CNIH3: variants seen among roughly 807,000 people sequenced by gnomAD.
CNIH3 encodes protein cornichon homolog 3.
CNIH3 carries 14 observed loss-of-function variants against 24.1 expected under a neutral mutation model. The observed-to-expected ratio is 0.58, with a 90% CI of 0.38 to 0.91. The LOEUF (loss-of-function observed/expected upper bound fraction) is 0.91, where lower values mean the gene tolerates loss of function less well. Ranked by LOEUF, CNIH3 falls within the 40% of genes least tolerant of loss-of-function variation. CNIH3 has a pLI of 0.00. For missense variants in CNIH3, 178 were observed against 196.8 expected, an observed-to-expected ratio of 0.90 and a Z score of 0.57; for synonymous variants, 68 against 73.8, an observed-to-expected ratio of 0.92 and a Z score of 0.40.
intron 4 of CNIH3, among the ~76,000 whole-genome samples, chr1:224,734,319 G>T (rs1332481819): frequency 1.3e-5 from 2 of 152,186 alleles, no homozygotes; most frequent in East Asian, 3.9e-4. Context: ...CCTTCTGTTG[G>T]AGCAGCTTTG....
chr1:224,686,710 C>T (rs1686678355), intron 3 of CNIH3, among the ~76,000 whole-genome samples: 1 of 152,224 alleles, frequency 6.6e-6, no homozygotes, highest in Admixed American at 6.5e-5. Flanking sequence ...CCATATCCAT[C>T]ACCTTTTATC....
intron 4 of CNIH3, among the ~76,000 whole-genome samples, chr1:224,575,906 T>C (rs1421098437): frequency 1.3e-5 from 2 of 152,200 alleles, no homozygotes; most frequent in Non-Finnish European, 2.9e-5. Flanking sequence ...TCTCAGGTCA[T>C]GTTTGGGTGC....
chr1:224,463,528 C>A (rs889076575), intron 1 of CNIH3, among the ~76,000 whole-genome samples: 1 of 152,062 alleles, frequency 6.6e-6, no homozygotes, highest in South Asian at 2.1e-4. Flanking sequence ...TTTGCCTCAG[C>A]CTCCCGAGTA....
chr1:224,655,517 A>T lies in CNIH3; in HGVS notation c.82-25441A>T, dbSNP rs1192428841. 9.9e-5 allele frequency among the ~76,000 whole-genome samples: 15 copies of T among 152,284 alleles called. No homozygotes were observed. The East Asian group carries it at 2.9e-3, about 29-fold the overall frequency. On this transcript the variant is annotated intron_variant, in intron 1 of 5. Coordinates refer to ENST00000272133, the MANE Select transcript of CNIH3 (RefSeq NM_152495.2). ...CTAGTTAGACTCCTCGGTTTTCACA[A>T]GTCATTGTCGATGTCACTGTCAGTG... is the stretch of plus-strand genomic sequence containing the variant.
chr1:224,454,048 G>GA (rs1675541713), intron 1 of CNIH3, among the ~76,000 whole-genome samples: 1 of 152,168 alleles, frequency 6.6e-6, no homozygotes, highest in African/African-American at 2.4e-5. Context: ...AGCTACTGGG[G>GA]AAATTAGAAC....
At chr1:224,532,092 G>T (rs1432816370) in intron 2 of CNIH3, among the ~76,000 whole-genome samples, 1 of 152,190 alleles carries the variant, frequency 6.6e-6, no homozygotes, top group Non-Finnish European at 1.5e-5. Flanking sequence ...ATAAGGTATG[G>T]TGCAGAAAGA....
At chr1:224,545,112 C>T (rs140170930) in intron 2 of CNIH3, among the ~76,000 whole-genome samples, 2 of 152,360 alleles carry the variant, frequency 1.3e-5, no homozygotes, top group East Asian at 3.9e-4. Context: ...GAAGTTCCTA[C>T]AGTTTGTGAT....
intron 1 of CNIH3, chr1:224,454,462 C>G: frequency 2.9e-6 from 1 of 347,450 alleles, no homozygotes; most frequent in Non-Finnish European, 4.1e-6. Flanking sequence ...GTTTACATTT[C>G]TGGTCCCGTC....
At chr1:224,648,644 G>A (rs1684731212) in intron 1 of CNIH3, among the ~76,000 whole-genome samples, 1 of 152,092 alleles carries the variant, frequency 6.6e-6, no homozygotes, top group African/African-American at 2.4e-5. Flanking sequence ...GTTAGAGAAG[G>A]ATATTGGAAT....
rs555444961 is a variant in CNIH3, at chr1:224,575,147, G to A, written n.517-8017G>A. 7.4e-5 allele frequency: 73 copies of A among 982,710 alleles called. 1 individual carries two copies. In the East Asian group the frequency reaches 1.2e-3, roughly 17 times the overall value. The allele number at this position is 982,710 out of a possible 1,614,324, so 60.9% of individuals were successfully genotyped here. ...TCCTGGAAGATCCCAGGATCAAGGC[G>A]ATCACAGCCAAACACAATAAAACTA... On this transcript the variant is annotated intron_variant and non_coding_transcript_variant, in intron 4 of 5. Coordinates refer to the CNIH3 transcript ENST00000471578.
At chr1:224,476,098 A>G (rs1180277749) in intron 1 of CNIH3, among the ~76,000 whole-genome samples, 2 of 152,238 alleles carry the variant, frequency 1.3e-5, no homozygotes, top group Admixed American at 1.3e-4. Flanking sequence ...ACATACCTCA[A>G]TACAATAAAA....
intron 3 of CNIH3, among the ~76,000 whole-genome samples, chr1:224,555,199 GC>G: frequency 2.0e-5 from 3 of 152,294 alleles, no homozygotes; most frequent in East Asian, 3.9e-4. Context: ...TGAGCCACTT[GC>G]CCCAGGACAC....
At chr1:224,618,395 C>T (rs1490485443) in intron 1 of CNIH3, among the ~76,000 whole-genome samples, 1 of 152,234 alleles carries the variant, frequency 6.6e-6, no homozygotes, top group East Asian at 1.9e-4. Context: ...TTCTGGTGAG[C>T]ATCACAGACT....
At chr1:224,452,604 A>G (rs1572268016) in intron 1 of CNIH3, among the ~76,000 whole-genome samples, 1 of 148,802 alleles carries the variant, frequency 6.7e-6, no homozygotes, top group African/African-American at 2.5e-5. Flanking sequence ...ACACGGTGAA[A>G]CCCCGTCTCT....
downstream of CNIH3, among the ~76,000 whole-genome samples, chr1:224,541,733 A>G (rs1679519087): frequency 6.6e-6 from 1 of 152,042 alleles, no homozygotes; most frequent in South Asian, 2.1e-4. Context: ...AAGATTCACA[A>G]ATTGGGTGTT....
At chr1:224,726,694 A>T in intron 3 of CNIH3, among the ~76,000 whole-genome samples, 2 of 152,098 alleles carry the variant, frequency 1.3e-5, no homozygotes, top group East Asian at 3.9e-4. Flanking sequence ...CAAACCTTCC[A>T]TGATCCCCCT....
chr1:224,739,091 C>T (rs1189592223), intron 5 of CNIH3, among the ~76,000 whole-genome samples: 1 of 152,124 alleles, frequency 6.6e-6, no homozygotes, highest in East Asian at 1.9e-4. Flanking sequence ...AGAGCTTTCA[C>T]ATCTTTTATC....
At chr1:224,452,930 G>C (rs1572269228) in intron 1 of CNIH3, among the ~76,000 whole-genome samples, 2 of 151,596 alleles carry the variant, frequency 1.3e-5, no homozygotes, top group African/African-American at 4.8e-5. Flanking sequence ...AGACCAGCCT[G>C]ACCAATATGG....
intron 2 of CNIH3, among the ~76,000 whole-genome samples, chr1:224,536,206 G>A (rs1052897340): frequency 6.7e-6 from 1 of 149,582 alleles, no homozygotes; most frequent in African/African-American, 2.5e-5. Context: ...AGTAGAAAAA[G>A]TCTCCCTTTC....
Sources: allele counts gnomAD v4.1 joint callset (sites outside exome capture counted in the v4.1 genomes callset), GRCh38; gene constraint gnomAD v4.1.1; transcripts MANE v1.5; gene names NCBI Gene and HGNC (gene_info 2026-07-23, HGNC 2026-07-21).